SMYD3: variants seen among roughly 807,000 people sequenced by gnomAD.
SMYD3 encodes the protein SET and MYND domain containing 3, also known as histone-lysine N-methyltransferase SMYD3.
In SMYD3, 36 loss-of-function variants were observed where a neutral mutation model predicts 57.7. That is an observed-to-expected ratio of 0.62 (90% CI 0.48 to 0.82). The LOEUF (loss-of-function observed/expected upper bound fraction) is 0.82, where lower values mean the gene tolerates loss of function less well. SMYD3 is among the 40% of genes least tolerant of loss of function. The pLI, the probability that SMYD3 is intolerant of heterozygous loss-of-function variation, is 0.00. For synonymous variants in SMYD3, 211 were observed against 195.0 expected, an observed-to-expected ratio of 1.08 and a Z score of -0.68; for missense variants, 515 against 538.8, an observed-to-expected ratio of 0.96 and a Z score of 0.44.
At chr1:246,037,834 G>T (rs1476931532) in intron 5 of SMYD3, among the ~76,000 whole-genome samples, 1 of 152,144 alleles carries the variant, frequency 6.6e-6, no homozygotes, top group South Asian at 2.1e-4. Context: ...CTGGTTTGTT[G>T]GTCTTTTCAT....
intron 5 of SMYD3, among the ~76,000 whole-genome samples, chr1:246,016,288 A>C (rs570183404): frequency 2.0e-5 from 3 of 152,108 alleles, no homozygotes; most frequent in African/African-American, 7.2e-5. Flanking sequence ...CATCATGCTA[A>C]AGAAACAGAA....
intron 5 of SMYD3, among the ~76,000 whole-genome samples, chr1:246,007,667 A>T (rs1049787448): frequency 3.5e-5 from 5 of 142,062 alleles, no homozygotes; most frequent in African/African-American, 1.3e-4. Flanking sequence ...AAAAAAAAAA[A>T]TTTGCCAGGC....
intron 1 of SMYD3, among the ~76,000 whole-genome samples, chr1:246,444,289 C>T (rs975513119): frequency 2.6e-5 from 4 of 152,248 alleles, no homozygotes; most frequent in African/African-American, 9.6e-5. Flanking sequence ...CCACGCCTGG[C>T]TAATTTTTGT....
chr1:246,236,963 C>T (rs966058172), intron 5 of SMYD3, among the ~76,000 whole-genome samples: 7 of 152,192 alleles, frequency 4.6e-5, no homozygotes, highest in Non-Finnish European at 7.3e-5. Context: ...CTCCACCTTG[C>T]TGGGCTGTGC....
intron 1 of SMYD3, among the ~76,000 whole-genome samples, chr1:246,489,490 C>G (rs771629219): frequency 1.4e-4 from 22 of 152,016 alleles, no homozygotes; most frequent in Non-Finnish European, 2.6e-4. Context: ...AAAACAGAAG[C>G]CCAGGGTTTA....
At chr1:245,776,166 AAT>A (rs1177683941) in intron 10 of SMYD3, among the ~76,000 whole-genome samples, 3 of 152,232 alleles carry the variant, frequency 2.0e-5, no homozygotes, top group African/African-American at 4.8e-5. Context: ...TATCCTTCAC[AAT>A]ATGTGATTTA....
In SMYD3 at chr1:246,127,381, A is replaced by G. The variant is rs561200412; in HGVS notation, c.532-197444T>C. On this transcript the variant is annotated intron_variant, in intron 5 of 11. Coordinates refer to ENST00000490107, the MANE Select transcript of SMYD3 (RefSeq NM_001167740.2). ...GATGAGCCCAAGTATTTTCAGAAAT[A>G]CTAGCATTTTAGTGTGATGATACTG... 1.2e-4 allele frequency among the ~76,000 whole-genome samples: 18 copies of G among 152,288 alleles called. No homozygotes were observed. The South Asian group carries it at 3.5e-3, about 30-fold the overall frequency.
chr1:246,452,524 C>T (rs1382394989), intron 1 of SMYD3, among the ~76,000 whole-genome samples: 1 of 152,114 alleles, frequency 6.6e-6, no homozygotes. Context: ...AAAAAAGACT[C>T]ATTTATAAAT....
At chr1:246,266,992 T>G (rs761141628) in intron 5 of SMYD3, among the ~76,000 whole-genome samples, 1 of 152,214 alleles carries the variant, frequency 6.6e-6, no homozygotes, top group Non-Finnish European at 1.5e-5. Flanking sequence ...ATTGAGGCAA[T>G]TTTATTTATG....
chr1:246,199,286 C>A (rs75774904), intron 5 of SMYD3, among the ~76,000 whole-genome samples: 1 of 152,144 alleles, frequency 6.6e-6, no homozygotes, highest in African/African-American at 2.4e-5. Context: ...AGATCACGTG[C>A]CCTCTGTGAA....
At chr1:246,225,321 C>CTAAAAAAAAAAAAA (rs2063311990) in intron 5 of SMYD3, among the ~76,000 whole-genome samples, 1 of 76,254 alleles carries the variant, frequency 1.3e-5, no homozygotes, top group Non-Finnish European at 3.0e-5. Context: ...GCTGAAAAGT[C>CTAAAAAAAAAAAAA]AAAAAAAAAA....
chr1:246,439,416 A>G (rs1572502696), intron 1 of SMYD3, among the ~76,000 whole-genome samples: 2 of 152,328 alleles, frequency 1.3e-5, no homozygotes, highest in East Asian at 3.9e-4. Context: ...ACAATAAAAA[A>G]TACTTCCCAG....
intron 10 of SMYD3, among the ~76,000 whole-genome samples, chr1:245,824,459 G>A (rs1401231184): frequency 6.6e-6 from 1 of 152,232 alleles, no homozygotes; most frequent in Non-Finnish European, 1.5e-5. Flanking sequence ...GCTCACGCCT[G>A]TAATCCCAGC....
chr1:245,778,252 C>T (rs2046683521), intron 10 of SMYD3, among the ~76,000 whole-genome samples: 2 of 152,138 alleles, frequency 1.3e-5, no homozygotes, highest in Non-Finnish European at 2.9e-5. Context: ...AGGGCTCACA[C>T]AATCCAATTT....
chr1:245,941,404 G>T (rs2057239138), intron 5 of SMYD3, among the ~76,000 whole-genome samples: 1 of 152,126 alleles, frequency 6.6e-6, no homozygotes, highest in South Asian at 2.1e-4. Flanking sequence ...AAAATGTTAA[G>T]GGCGGCCAGA....
intron 5 of SMYD3, among the ~76,000 whole-genome samples, chr1:246,112,224 T>C (rs911221859): frequency 6.6e-6 from 1 of 152,204 alleles, no homozygotes; most frequent in African/African-American, 2.4e-5. Context: ...ACTTATGAGC[T>C]AATTCTTCAA....
intron 5 of SMYD3, among the ~76,000 whole-genome samples, chr1:246,265,057 T>A (rs114754564): frequency 0.024 from 3,682 of 152,358 alleles, 148 homozygotes; most frequent in African/African-American, 0.083. Flanking sequence ...CTAGCTTTTC[T>A]TTTTTGATTT....
intron 1 of SMYD3, among the ~76,000 whole-genome samples, chr1:246,448,395 A>C (rs940962996): frequency 1.3e-5 from 2 of 152,082 alleles, no homozygotes; most frequent in Admixed American, 1.3e-4. Flanking sequence ...TCATTATCCT[A>C]TGAAAACAGA....
chr1:245,896,847 A>G (rs2053842191), intron 8 of SMYD3, among the ~76,000 whole-genome samples: 1 of 151,712 alleles, frequency 6.6e-6, no homozygotes, highest in African/African-American at 2.4e-5. Context: ...CTGGAGGCTG[A>G]GGGGCTTGGG....
Sources: allele counts gnomAD v4.1 joint callset (sites outside exome capture counted in the v4.1 genomes callset), GRCh38; gene constraint gnomAD v4.1.1; transcripts MANE v1.5; gene names NCBI Gene and HGNC (gene_info 2026-07-23, HGNC 2026-07-21).